Variants in GOLGA3 observed in about 807,000 individuals in gnomAD.
The protein encoded by GOLGA3 is golgin subfamily A member 3.
GOLGA3 carries 75 observed loss-of-function variants against 169.4 expected under a neutral mutation model. That is an observed-to-expected ratio of 0.44 (90% confidence interval 0.37 to 0.54). The LOEUF is 0.54. Among genes scored for constraint, GOLGA3 ranks in the 20% least tolerant of loss-of-function variants. The pLI is 0.00. For synonymous variants in GOLGA3, 824 were observed against 822.4 expected (o/e 1.00, Z -0.03); for missense variants, 1,899 against 1,930.0 (o/e 0.98, Z 0.30).
At chr12:132,782,168 C>T (rs1410537798) in intron 17 of GOLGA3, 128 bp downstream of exon 17, 3 of 886,382 alleles carry the variant, frequency 3.4e-6, no homozygotes, top group African/African-American at 3.3e-5. Flanking sequence ...TGAGCCTGTT[C>T]TCTCGGCTGC....
chr12:132,784,348 G>A (rs753051819), intron 15 of GOLGA3, 41 bp from the exon 16 acceptor site: 7 of 1,539,154 alleles, frequency 4.5e-6, no homozygotes, highest in Admixed American at 3.6e-5. Context: ...CATGGGACAG[G>A]CCCTGACCCC....
chr12:132,796,632 G>A lies in GOLGA3; in HGVS notation c.2007C>T (p.Asp669=). ...CAAACTCTTCCAGCCTCCTCTGAAG[G>A]TCCTCCTCCACCATCGTCTTTGCCT... ...IQEAKTMVEE[D]LQRRLEEFEG... Residue 669 remains aspartate (D), a synonymous_variant, in exon 10 of 24, where the codon GAC becomes GAT. Transcript: ENST00000450791. 2 of 1,614,016 alleles carry A rather than the reference G, an allele frequency of 1.2e-6. No individual in the cohort carries two copies. Among genetic ancestry groups the A allele is most frequent in the Non-Finnish European group, 1.7e-6 (2 of 1,179,940 alleles).
chr12:132,777,301 G>A lies in GOLGA3; in HGVS notation c.3723-211C>T, dbSNP rs181133680. ...TCACACTTCACTGGCACCCCTCACA[G>A]ATCCCAGAGACTCACTTTGCCGGCA... On this transcript the variant is annotated intron_variant, in intron 19 of 23. Coordinates refer to ENST00000450791, the MANE Select transcript of GOLGA3 (RefSeq NM_001389683.1). The surrounding 1 kb of genome is among the most constrained non-coding windows in gnomAD (Gnocchi z 4.7). 1.4e-3 allele frequency among the ~76,000 whole-genome samples: 211 copies of A among 152,174 alleles called. No individual in the cohort carries two copies. The highest frequency in any genetic ancestry group is 4.2e-3 in the African/African-American group (173 of 41,530).
chr12:132,798,972 A>G (rs1292002488), intron 8 of GOLGA3, among the ~76,000 whole-genome samples: 5 of 152,194 alleles, frequency 3.3e-5, no homozygotes, highest in Non-Finnish European at 4.4e-5. Context: ...ACGCTGGCCA[A>G]GCGTCTCGTG....
intron 17 of GOLGA3, among the ~76,000 whole-genome samples, chr12:132,781,191 G>A (rs1427765898): frequency 6.6e-6 from 1 of 152,110 alleles, no homozygotes; most frequent in Non-Finnish European, 1.5e-5. Context: ...AGGATGCAGT[G>A]AGCTATGATG....
chr12:132,826,744 C>T (rs1950430707), intron 1 of GOLGA3, among the ~76,000 whole-genome samples: 1 of 152,154 alleles, frequency 6.6e-6, no homozygotes, highest in Non-Finnish European at 1.5e-5. Flanking sequence ...CTGGCAGTCT[C>T]GGTCGATTCC....
Position 132,774,289 on chromosome 12 carries a change from G to T in GOLGA3, c.4175C>A (p.Ser1392Tyr). Reference protein sequence around the residue: ...RKEPKGEASSSNPATPIKIPD... With the variant: ...RKEPKGEASSYNPATPIKIPD... ...GATCTTGATGGGCGTGGCAGGGTTG[G>T]AAGAGCTGGCCTCGCCTTTCGGCTC... The change falls in exon 23 of 24, where the codon TCC becomes TAC. Residue 1392 changes from serine to tyrosine, a missense_variant. By Grantham distance (144) the Ser-to-Tyr change is moderately radical (BLOSUM62 -2). Coordinates refer to ENST00000450791, the MANE Select transcript of GOLGA3 (RefSeq NM_001389683.1). 2 of 1,612,700 alleles carry T rather than the reference G, an allele frequency of 1.2e-6. No individual in the cohort carries two copies. The highest frequency in any genetic ancestry group is 1.1e-5 in the South Asian group (1 of 91,086).
intron 18 of GOLGA3, among the ~76,000 whole-genome samples, chr12:132,778,501 G>A (rs1238608129): frequency 6.7e-6 from 1 of 148,584 alleles, no homozygotes; most frequent in Non-Finnish European, 1.5e-5. Context: ...AACCCGGGAG[G>A]TGGAGCTTGC....
chr12:132,789,369 C>A, intron 12 of GOLGA3, 79 bp from the exon 13 acceptor site: 2 of 1,284,482 alleles, frequency 1.6e-6, no homozygotes, highest in Non-Finnish European at 1.1e-6. Flanking sequence ...CTGGCTTCAA[C>A]AAAAATGTTT....
rs777559689 is a variant in GOLGA3, at chr12:132,782,413, G to T, written c.3348C>A (p.His1116Gln). The change falls in exon 17 of 24, where the codon CAC becomes CAA. Residue 1116 changes from histidine (H) to glutamine (Q), a missense_variant. By Grantham distance (24) the His-to-Gln change is conservative. Transcript: ENST00000450791. The stretch of plus-strand genomic sequence containing the variant: ...CGAGGCCCGTAAGCTTCCCTTTCTC[G>T]TGCTCTAATTCAAGAGCCAACTTCT... The part of the protein sequence containing the change: ...SNKKLALELE[H>Q]EKGKLTGLGQ... 6.2e-7 allele frequency: 1 copy of T among 1,613,746 alleles called. No homozygotes were observed. The highest frequency in any genetic ancestry group is 8.5e-7 in the Non-Finnish European group (1 of 1,179,774).
At position 132,789,293 on chromosome 12, in the gene GOLGA3, G is replaced by A. The variant is rs1199490657; in HGVS notation, c.2548-3C>T. ...CGCCGGTAGGCCTCCACCATCACCT[G>A]CCAAAGACAGAGGCTGTGAGCGGAC... On this transcript the variant is annotated splice_polypyrimidine_tract_variant and splice_region_variant and intron_variant, in intron 12 of 23. Transcript: ENST00000450791. 1.9e-6 allele frequency: 3 copies of A among 1,584,886 alleles called. No homozygotes were observed. The highest frequency in any genetic ancestry group is 2.1e-4 in the Middle Eastern group (1 of 4,786).
In GOLGA3 at chr12:132,777,772, G is replaced by A. The variant is rs200121843; in HGVS notation, c.3616C>T (p.Arg1206Cys). 97 of 1,613,542 alleles carry A rather than the reference G, an allele frequency of 6.0e-5. No homozygotes were observed. The highest frequency in any genetic ancestry group is 4.9e-4 in the Middle Eastern group (3 of 6,084). The change falls in exon 19 of 24, where the codon CGC becomes TGC. Residue 1206 changes from arginine to cysteine, a missense_variant. Transcript: ENST00000450791. The surrounding 1 kb of genome is among the most constrained non-coding windows in gnomAD (Gnocchi z 4.7). The part of the protein sequence containing the change: ...AAAKVEAGHN[R>C]RHFKAASLEL... ...AAGGAGGCCGCCTTGAAGTGGCGGC[G>A]GTTATGCCCGGCTTCCACCTTGGCA... is the stretch of plus-strand genomic sequence containing the variant.
intron 8 of GOLGA3, among the ~76,000 whole-genome samples, chr12:132,798,963 C>T (rs778968635): frequency 6.6e-6 from 1 of 152,328 alleles, no homozygotes; most frequent in Middle Eastern, 3.4e-3. Context: ...CTCAGGCCCA[C>T]GCTGGCCAAG....
Position 132,769,050 on chromosome 12 carries a change from T to G in GOLGA3, c.*4055A>C, listed in dbSNP as rs2044779178. ...CCCTTTCCCAAGAACAGCCACAACT[T>G]GAGGACTCTCTTTTGTGAGGAAATT... On this transcript the variant is annotated 3_prime_UTR_variant, in exon 24 of 24. Transcript: ENST00000450791. The G allele has an allele frequency of 6.5e-6, 1 of 152,680 alleles. No homozygotes were observed. The highest frequency in any genetic ancestry group is 2.4e-5 in the African/African-American group (1 of 41,472). The allele number at this position is 152,680 out of a possible 1,614,324, so 9.5% of individuals were successfully genotyped here.
chr12:132,822,453 C>T, intron 1 of GOLGA3, 142 bp from the exon 2 acceptor site: 1 of 534,452 alleles, frequency 1.9e-6, no homozygotes, highest in Non-Finnish European at 3.2e-6. Context: ...TCCTGGAGCA[C>T]CCACAACATC....
intron 13 of GOLGA3, among the ~76,000 whole-genome samples, chr12:132,788,520 T>C (rs2046047109): frequency 6.6e-6 from 1 of 151,856 alleles, no homozygotes; most frequent in Non-Finnish European, 1.5e-5. Flanking sequence ...GGACACCCAC[T>C]GTGTGCAGAA....
intron 7 of GOLGA3, among the ~76,000 whole-genome samples, chr12:132,802,381 G>A (rs1489183169): frequency 3.4e-5 from 3 of 88,644 alleles, no homozygotes; most frequent in Non-Finnish European, 6.1e-5. Context: ...GGTGCAGGGG[G>A]CATGGGGGGT....
chr12:132,769,213 C>A lies in GOLGA3; in HGVS notation c.*3892G>T, dbSNP rs906940720. 1 of 151,952 alleles carries A rather than the reference C, an allele frequency of 6.6e-6. No individual in the cohort carries two copies. The highest frequency in any genetic ancestry group is 2.4e-5 in the African/African-American group (1 of 41,452). The allele number at this position is 151,952 out of a possible 1,614,324, so 9.4% of individuals were successfully genotyped here. On this transcript the variant is annotated 3_prime_UTR_variant, in exon 24 of 24. Coordinates refer to ENST00000450791, the MANE Select transcript of GOLGA3 (RefSeq NM_001389683.1). Reference sequence around the variant, plus strand: ...TCCGGTCAGTGAGCTCAGAACACCTCACACCACAGCGTCACTCAACTCAAG... The same window carrying A: ...TCCGGTCAGTGAGCTCAGAACACCTAACACCACAGCGTCACTCAACTCAAG...
chr12:132,813,517 T>C (rs1194245791), intron 3 of GOLGA3, 98 bp from the exon 4 acceptor site: 2 of 637,466 alleles, frequency 3.1e-6, no homozygotes, highest in South Asian at 1.9e-5. Flanking sequence ...ATTACCCATA[T>C]ACTTTACACC....
Sources: gnomAD v4.1 joint callset for allele counts (sites outside exome capture counted in the v4.1 genomes callset) on GRCh38, gnomAD v4.1.1 for gene constraint, Gnocchi (gnomAD v3.1) non-coding constraint, MANE v1.5 for transcripts, NCBI Gene and HGNC (gene_info 2026-07-23, HGNC 2026-07-21) for gene names.